FYB1: variants seen among roughly 807,000 people sequenced by gnomAD.
The protein encoded by FYB1 is FYN-binding protein 1.
FYB1 carries 41 observed loss-of-function variants against 94.1 expected under a neutral mutation model. The ratio of observed to expected loss-of-function variants is 0.44; its 90% confidence interval spans 0.34 to 0.57. FYB1 has a LOEUF of 0.57. Among genes scored for constraint, FYB1 ranks in the 20% least tolerant of loss-of-function variants. The pLI, the probability that FYB1 is intolerant of heterozygous loss-of-function variation, is 0.02. For synonymous variants in FYB1, 367 were observed against 353.2 expected (o/e 1.04, Z -0.44); for missense variants, 1,050 against 976.8 (o/e 1.07, Z -1.00).
Position 39,133,293 on chromosome 5 carries a change from A to G in FYB1, c.1817+915T>C, listed in dbSNP as rs531516244. Reference sequence around the variant, plus strand: ...ACAGATGATGTTTTTTGGGATCACAATGGAGGTTTCCTAGTTTTATAAAGT... The same window carrying G: ...ACAGATGATGTTTTTTGGGATCACAGTGGAGGTTTCCTAGTTTTATAAAGT... On this transcript the variant is annotated intron_variant, in intron 9 of 18. Coordinates refer to ENST00000512982, the MANE Select transcript of FYB1 (RefSeq NM_001465.6). Among the ~76,000 whole-genome samples, 5 of 152,272 alleles carry G rather than the reference A, an allele frequency of 3.3e-5. No individual in the cohort carries two copies. In the South Asian group the frequency reaches 1.0e-3, roughly 32 times the overall value.
At chr5:39,231,379 G>A (rs546813518) in intron 1 of FYB1, among the ~76,000 whole-genome samples, 1 of 152,040 alleles carries the variant, frequency 6.6e-6, no homozygotes, top group East Asian at 1.9e-4. Flanking sequence ...AATGTACTGA[G>A]TACCTTTTGG....
intron 14 of FYB1, among the ~76,000 whole-genome samples, chr5:39,120,177 T>C (rs1457164553): frequency 6.6e-6 from 1 of 152,082 alleles, no homozygotes; most frequent in Admixed American, 6.6e-5. Flanking sequence ...AAGGAGCTTT[T>C]TAAAAAAGAT....
intron 16 of FYB1, among the ~76,000 whole-genome samples, chr5:39,117,016 T>A (rs575120652): frequency 6.6e-6 from 1 of 152,080 alleles, no homozygotes; most frequent in South Asian, 2.1e-4. Flanking sequence ...GCAAGATATG[T>A]AGAAGCTTCT....
intron 2 of FYB1, among the ~76,000 whole-genome samples, chr5:39,185,605 T>C (rs1458364551): frequency 6.9e-6 from 1 of 145,256 alleles, no homozygotes; most frequent in South Asian, 2.1e-4. Flanking sequence ...TACATATATA[T>C]ACACATATAT....
rs747604716 is a variant in FYB1 at position 39,135,025 on chromosome 5, A to T, written c.1516-11T>A. 2 of 1,607,770 alleles carry T rather than the reference A, an allele frequency of 1.2e-6. No individual in the cohort carries two copies. Among genetic ancestry groups the T allele is most frequent in the East Asian group, 4.5e-5 (2 of 44,802 alleles). On this transcript the variant is annotated splice_polypyrimidine_tract_variant and intron_variant, in intron 7 of 18. Transcript: ENST00000512982. ...AATAGGGCCTGTTAGCTGCAAAGAG[A>T]AAAAAATAGTCACAAAAGATTTCCT...
At chr5:39,222,105 G>GC (rs1332198129), upstream of FYB1, among the ~76,000 whole-genome samples, 3 of 152,138 alleles carry the variant, frequency 2.0e-5, no homozygotes, top group African/African-American at 4.8e-5. Flanking sequence ...GGAATGTACT[G>GC]CCCCCTCTCC....
intron 1 of FYB1, among the ~76,000 whole-genome samples, chr5:39,242,141 CTTT>C (rs560173619): frequency 6.6e-6 from 1 of 151,732 alleles, no homozygotes; most frequent in Non-Finnish European, 1.5e-5. Context: ...TAACAATTTT[CTTT>C]TTTTTATTAT....
At chr5:39,175,451 A>G (rs1028127665) in intron 2 of FYB1, among the ~76,000 whole-genome samples, 2 of 152,186 alleles carry the variant, frequency 1.3e-5, no homozygotes, top group Non-Finnish European at 2.9e-5. Context: ...AATGGTTGTA[A>G]CTAGCTGGGG....
At chr5:39,133,713 T>C (rs995894899) in intron 9 of FYB1, among the ~76,000 whole-genome samples, 5 of 152,122 alleles carry the variant, frequency 3.3e-5, no homozygotes, top group Admixed American at 1.3e-4. Flanking sequence ...GTTGGACCCT[T>C]AATTGATACC....
chr5:39,114,221 G>A (rs1185547820), intron 16 of FYB1, among the ~76,000 whole-genome samples: 2 of 152,042 alleles, frequency 1.3e-5, no homozygotes, highest in African/African-American at 4.8e-5. Flanking sequence ...AGTGACAGGA[G>A]GTGGGAAAAC....
rs767628210 is a variant in FYB1, at chr5:39,170,036, G to A, written c.1136-16432C>T. 5.7e-5 allele frequency: 45 copies of A among 793,236 alleles called. No homozygotes were observed. In the Middle Eastern group the frequency reaches 7.0e-4, roughly 12 times the overall value. The allele number at this position is 793,236 out of a possible 1,614,324, so 49.1% of individuals were successfully genotyped here. A position where few individuals can be genotyped will look rare whatever the true frequency, so the allele number is the denominator to read the frequency against. Reference sequence around the variant, plus strand: ...CTAGGAACAGATGAATTTTCAATAGGATGAGAGGCCTCCACTGGTGTCCTA... The same window carrying A: ...CTAGGAACAGATGAATTTTCAATAGAATGAGAGGCCTCCACTGGTGTCCTA... On this transcript the variant is annotated intron_variant, in intron 2 of 18. Transcript: ENST00000512982.
chr5:39,201,708 A>G, intron 2 of FYB1, 118 bp downstream of exon 2: 1 of 892,878 alleles, frequency 1.1e-6, no homozygotes, highest in Non-Finnish European at 1.7e-6. Context: ...AATTCATTAT[A>G]CACATATGAG....
intron 3 of FYB1, among the ~76,000 whole-genome samples, chr5:39,148,728 A>G (rs1324645995): frequency 1.3e-5 from 2 of 152,138 alleles, no homozygotes; most frequent in Admixed American, 6.5e-5. Context: ...ACACACACAT[A>G]AACAGAAACC....
chr5:39,106,341 GGT>G lies in FYB1; in HGVS notation c.*1100_*1101del, dbSNP rs1239468638. 6.6e-6 allele frequency: 1 copy of G among 151,874 alleles called. No individual in the cohort carries two copies. Among genetic ancestry groups the G allele is most frequent in the African/African-American group, 2.4e-5 (1 of 41,336 alleles). 9.4% of individuals were successfully genotyped at this position (151,874 alleles called of 1,614,324 possible). ...AAGCACTTAATATCTTCTTTTCTTG[GGT>G]GTTAGCATTTTTCATTTTTTAAATC... On this transcript the variant is annotated 3_prime_UTR_variant, in exon 19 of 19. Transcript: ENST00000512982.
At chr5:39,190,365 G>A (rs538564238) in intron 2 of FYB1, among the ~76,000 whole-genome samples, 41 of 152,298 alleles carry the variant, frequency 2.7e-4, no homozygotes, top group African/African-American at 9.9e-4. Flanking sequence ...GGGGGCAGGT[G>A]ATGGAATGTT....
At chr5:39,239,583 C>T (rs1751115714) in intron 1 of FYB1, among the ~76,000 whole-genome samples, 2 of 151,994 alleles carry the variant, frequency 1.3e-5, no homozygotes, top group South Asian at 4.2e-4. Context: ...GAATAAAATA[C>T]CTAGGAATAC....
intron 1 of FYB1, among the ~76,000 whole-genome samples, chr5:39,254,324 C>T (rs910228171): frequency 6.6e-6 from 1 of 152,216 alleles, no homozygotes; most frequent in Admixed American, 6.5e-5. Context: ...GGTGTATAAG[C>T]GTTCTTTTTT....
chr5:39,176,133 TTC>T (rs1745696873), intron 2 of FYB1, among the ~76,000 whole-genome samples: 2 of 131,174 alleles, frequency 1.5e-5, no homozygotes, highest in Admixed American at 9.0e-5. Flanking sequence ...GTCATTTTTT[TTC>T]TGTTTTTTTT....
At chr5:39,230,188 GA>G (rs1750659612) in intron 1 of FYB1, among the ~76,000 whole-genome samples, 1 of 152,172 alleles carries the variant, frequency 6.6e-6, no homozygotes, top group Non-Finnish European at 1.5e-5. Flanking sequence ...AAAATGAGAA[GA>G]TTACTCTGGA....
Sources: allele counts gnomAD v4.1 joint callset (sites outside exome capture counted in the v4.1 genomes callset), GRCh38; gene constraint gnomAD v4.1.1; transcripts MANE v1.5; gene names NCBI Gene and HGNC (gene_info 2026-07-23, HGNC 2026-07-21).